The following KSR2 variants were observed in gnomAD, a reference collection of about 807,000 sequenced individuals.
KSR2 encodes kinase suppressor of ras 2.
Under a neutral mutation model 107.8 loss-of-function variants are expected in KSR2, and 25 were observed. The observed-to-expected ratio is 0.23, with a 90% CI of 0.17 to 0.32. The LOEUF (loss-of-function observed/expected upper bound fraction) is 0.32. KSR2 is among the 10% of genes least tolerant of loss of function. The pLI is 1.00. For synonymous variants in KSR2, 480 were observed against 507.0 expected (o/e 0.95, Z 0.71); for missense variants, 887 against 1,268.9 (o/e 0.70, Z 4.57).
At chr12:117,674,066 T>C (rs1019607068) in intron 4 of KSR2, among the ~76,000 whole-genome samples, 1 of 152,150 alleles carries the variant, frequency 6.6e-6, no homozygotes, top group African/African-American at 2.4e-5. Flanking sequence ...CTCCAGGCCA[T>C]CACCTATGCT....
Position 117,957,007 on chromosome 12 carries a change from T to C in KSR2, c.180+11069A>G, listed in dbSNP as rs1326215533. The stretch of plus-strand genomic sequence containing the variant: ...ATTTCTCTCAAATAATTGTCATCCA[T>C]AATAGTCACCAAGGAAAGCATTTTA... On this transcript the variant is annotated intron_variant, in intron 1 of 19. Transcript: ENST00000339824. 2.0e-5 allele frequency among the ~76,000 whole-genome samples: 3 copies of C among 152,338 alleles called. No homozygotes were observed. In the East Asian group the frequency reaches 5.8e-4, roughly 29 times the overall value.
At chr12:117,507,783 G>T (rs1873789844) in intron 14 of KSR2, among the ~76,000 whole-genome samples, 1 of 152,184 alleles carries the variant, frequency 6.6e-6, no homozygotes, top group Non-Finnish European at 1.5e-5. Flanking sequence ...GCTGCTGATT[G>T]CTGATAAATT....
intron 5 of KSR2, among the ~76,000 whole-genome samples, chr12:117,599,418 A>G (rs2136287195): frequency 6.6e-6 from 1 of 152,302 alleles, no homozygotes. Flanking sequence ...TCAGTGAGAC[A>G]AAGCATCTGC....
rs75785188 is a variant in KSR2 at position 117,555,420 on chromosome 12, T to A, written c.1394-127A>T. ...AGACTGGAGGACAATTCACTAAAAG[T>A]GATAATGATTCTGTGGTGGGATCAG... is the stretch of plus-strand genomic sequence containing the variant. On this transcript the variant is annotated intron_variant, in intron 8 of 19. Coordinates refer to ENST00000339824, the MANE Select transcript of KSR2 (RefSeq NM_173598.6). 2.4e-3 allele frequency: 2,061 copies of A among 867,312 alleles called. 38 individuals are homozygous for A. The East Asian group carries it at 0.045, about 19-fold the overall frequency. The allele number at this position is 867,312 out of a possible 1,614,324, so 53.7% of individuals were successfully genotyped here.
intron 5 of KSR2, among the ~76,000 whole-genome samples, chr12:117,612,894 C>T (rs956385380): frequency 2.0e-5 from 3 of 152,188 alleles, no homozygotes; most frequent in Non-Finnish European, 4.4e-5. Context: ...GGCAGTTCCC[C>T]CTGCTCTCTC....
chr12:117,773,907 C>T (rs965875732), intron 3 of KSR2, among the ~76,000 whole-genome samples: 19 of 152,280 alleles, frequency 1.2e-4, no homozygotes, highest in Admixed American at 1.1e-3. Context: ...TAAGTATTCA[C>T]GTGTATCACC....
At chr12:117,772,322 A>G (rs1889514133) in intron 3 of KSR2, among the ~76,000 whole-genome samples, 1 of 146,434 alleles carries the variant, frequency 6.8e-6, no homozygotes, top group Non-Finnish European at 1.5e-5. Flanking sequence ...ACGCACAAAC[A>G]CACACTCACA....
chr12:117,613,923 C>T (rs550505150), intron 5 of KSR2, among the ~76,000 whole-genome samples: 1 of 152,284 alleles, frequency 6.6e-6, no homozygotes, highest in Non-Finnish European at 1.5e-5. Context: ...GCTCTTCATC[C>T]TTGCCTCAGG....
At position 117,705,743 on chromosome 12, in the gene KSR2, G is replaced by T. The variant is rs925839598; in HGVS notation, c.987-38085C>A. On this transcript the variant is annotated intron_variant, in intron 4 of 19. Coordinates refer to ENST00000339824, the MANE Select transcript of KSR2 (RefSeq NM_173598.6). ...ACTTAGAACCTGCCAGAGAAGTTGA[G>T]GATGAAGAGGGGGTGCCCCTGCATA... Among the ~76,000 whole-genome samples the T allele has an allele frequency of 4.6e-5, 7 of 152,346 alleles. 1 individual carries two copies. In the South Asian group the frequency reaches 1.2e-3, roughly 27 times the overall value.
At position 117,520,778 on chromosome 12, in the gene KSR2, T is replaced by A. The variant is rs1377726643; in HGVS notation, c.2219+4074A>T. 2.0e-5 allele frequency among the ~76,000 whole-genome samples: 3 copies of A among 152,026 alleles called. No individual in the cohort carries two copies. In the East Asian group the frequency reaches 5.8e-4, roughly 29 times the overall value. ...GCTGCTCACTGCCCTTGGCATAAAATCAGGACTCCTCACCAGGGATTCTAT... is the reference window on the plus strand; with the variant it reads ...GCTGCTCACTGCCCTTGGCATAAAAACAGGACTCCTCACCAGGGATTCTAT... On this transcript the variant is annotated intron_variant, in intron 14 of 19. Coordinates refer to ENST00000339824, the MANE Select transcript of KSR2 (RefSeq NM_173598.6).
chr12:117,634,624 A>G (rs1882971332), intron 5 of KSR2, among the ~76,000 whole-genome samples: 1 of 152,182 alleles, frequency 6.6e-6, no homozygotes, highest in African/African-American at 2.4e-5. Context: ...TCGCATGGCT[A>G]AGAGAACCGG....
At chr12:117,606,596 CTTTCCTCCTTCCTTCCTT>C in intron 5 of KSR2, among the ~76,000 whole-genome samples, 1 of 17,128 alleles carries the variant, frequency 5.8e-5, no homozygotes, top group Admixed American at 8.4e-4. Context: ...TTCCTTCCTT[CTTTCCTCCTTCCTTCCTT>C]CCTCCCTCCC....
At chr12:117,659,164 A>G (rs11836872) in intron 5 of KSR2, among the ~76,000 whole-genome samples, 8,684 of 152,222 alleles carry the variant, frequency 0.057, 605 homozygotes, top group African/African-American at 0.16. Context: ...CATGTACCTG[A>G]CCGAGGATCA....
intron 7 of KSR2, among the ~76,000 whole-genome samples, chr12:117,578,601 C>CA (rs66919524): frequency 0.13 from 12,925 of 101,550 alleles, 889 homozygotes; most frequent in African/African-American, 0.15. Flanking sequence ...GACTCCATCT[C>CA]AAAAAAAAAA....
intron 5 of KSR2, among the ~76,000 whole-genome samples, chr12:117,612,988 T>C (rs1260487290): frequency 6.6e-6 from 1 of 152,198 alleles, no homozygotes; most frequent in Non-Finnish European, 1.5e-5. Context: ...TCCCCAGCCA[T>C]GTGGAACTGC....
intron 5 of KSR2, among the ~76,000 whole-genome samples, chr12:117,649,821 C>A (rs1193429094): frequency 6.6e-6 from 1 of 152,090 alleles, no homozygotes; most frequent in Non-Finnish European, 1.5e-5. Flanking sequence ...GGAATACAGC[C>A]CAACAGAAAC....
chr12:117,799,840 T>C (rs905950683), intron 3 of KSR2, among the ~76,000 whole-genome samples: 54 of 152,196 alleles, frequency 3.5e-4, no homozygotes, highest in African/African-American at 1.3e-3. Flanking sequence ...GTTGAGACTC[T>C]GGGGCACCTA....
chr12:117,724,647 G>C (rs1442901897), intron 4 of KSR2, among the ~76,000 whole-genome samples: 1 of 151,676 alleles, frequency 6.6e-6, no homozygotes, highest in Non-Finnish European at 1.5e-5. Flanking sequence ...AAACAGGCAG[G>C]GGGTCTGTGC....
intron 3 of KSR2, among the ~76,000 whole-genome samples, chr12:117,850,015 C>T (rs1892860347): frequency 6.6e-6 from 1 of 152,206 alleles, no homozygotes; most frequent in South Asian, 2.1e-4. Context: ...CTAGTTTATT[C>T]CTCAGTCTGG....
Sources: gnomAD v4.1 joint callset for allele counts (sites outside exome capture counted in the v4.1 genomes callset) on GRCh38, gnomAD v4.1.1 for gene constraint, MANE v1.5 for transcripts, NCBI Gene and HGNC (gene_info 2026-07-23, HGNC 2026-07-21) for gene names.